CDH4: variants seen among roughly 807,000 people sequenced by gnomAD.
The protein encoded by CDH4 is cadherin-4.
A neutral mutation model predicts 86.0 loss-of-function variants in CDH4; 33 were observed. That is an observed-to-expected ratio of 0.38 (90% CI 0.29 to 0.51). The LOEUF is 0.51. Ranked by LOEUF, CDH4 falls within the 20% of genes least tolerant of loss-of-function variation. The pLI is 0.86. For synonymous variants in CDH4, 555 were observed against 549.4 expected, an observed-to-expected ratio of 1.01 and a Z score of -0.14; for missense variants, 1,114 against 1,307.4, an observed-to-expected ratio of 0.85 and a Z score of 2.28.
chr20:61,294,819 C>T (rs1259304178), intron 2 of CDH4, among the ~76,000 whole-genome samples: 2 of 152,256 alleles, frequency 1.3e-5, no homozygotes, highest in African/African-American at 4.8e-5. Flanking sequence ...TGGACCAAAG[C>T]TCCCGATCTG....
chr20:61,534,058 A>G (rs371590621), intron 2 of CDH4, among the ~76,000 whole-genome samples: 20 of 152,258 alleles, frequency 1.3e-4, no homozygotes, highest in African/African-American at 4.8e-4. Context: ...ATAGGCAGGC[A>G]TGAGATAGCA....
Position 61,924,424 on chromosome 20 carries a change from C to T in CDH4, c.1719C>T (p.Ser573=), listed in dbSNP as rs1354494559. ...CGGCGGCAGTGCTGGACCGTGAGTC[C>T]CTCTACACCAAAAACAACGTCTACG... ...ITTAAVLDRE[S]LYTKNNVYEA... The change falls in exon 11 of 16, where the codon TCC becomes TCT. Residue 573 remains serine, a synonymous_variant. Transcript: ENST00000614565. 6.2e-7 allele frequency: 1 copy of T among 1,613,898 alleles called. No individual in the cohort carries two copies. The highest frequency in any genetic ancestry group is 8.5e-7 in the Non-Finnish European group (1 of 1,179,944).
chr20:61,699,829 G>C (rs1228165933), intron 2 of CDH4, among the ~76,000 whole-genome samples: 1 of 152,096 alleles, frequency 6.6e-6, no homozygotes, highest in South Asian at 2.1e-4. Flanking sequence ...CACACATGTC[G>C]TGACCAGCCT....
At chr20:61,541,109 C>A (rs911778851) in intron 2 of CDH4, among the ~76,000 whole-genome samples, 11 of 152,192 alleles carry the variant, frequency 7.2e-5, no homozygotes, top group African/African-American at 2.4e-4. Context: ...GGGAGCTGTT[C>A]ATGTCTCTTC....
intron 3 of CDH4, among the ~76,000 whole-genome samples, chr20:61,770,149 C>A (rs75874981): frequency 0.072 from 10,903 of 152,234 alleles, 446 homozygotes; most frequent in Non-Finnish European, 0.089. Flanking sequence ...CCTAGAAAAG[C>A]CCCCGCCCCT....
At chr20:61,677,482 G>A (rs1184624345) in intron 2 of CDH4, among the ~76,000 whole-genome samples, 1 of 152,174 alleles carries the variant, frequency 6.6e-6, no homozygotes, top group Admixed American at 6.5e-5. Flanking sequence ...TCAATGTATA[G>A]ACCTGACGAT....
At chr20:61,713,284 C>CA (rs1182096630) in intron 2 of CDH4, among the ~76,000 whole-genome samples, 2 of 152,198 alleles carry the variant, frequency 1.3e-5, no homozygotes, top group Non-Finnish European at 2.9e-5. Context: ...CTTTGCAATG[C>CA]TGAGCTTCAA....
intron 2 of CDH4, among the ~76,000 whole-genome samples, chr20:61,446,740 C>T (rs992166543): frequency 1.3e-5 from 2 of 152,212 alleles, no homozygotes; most frequent in African/African-American, 4.8e-5. Context: ...GCCCGCTTAT[C>T]CATTCATGAG....
chr20:61,855,190 C>T (rs1379837539), intron 6 of CDH4, among the ~76,000 whole-genome samples: 9 of 125,490 alleles, frequency 7.2e-5, no homozygotes, highest in Non-Finnish European at 8.6e-5. Context: ...GAATTGTGCC[C>T]TTGGCCCACC....
chr20:61,397,512 C>T (rs1434450793), intron 2 of CDH4, among the ~76,000 whole-genome samples: 1 of 152,036 alleles, frequency 6.6e-6, no homozygotes, highest in Non-Finnish European at 1.5e-5. Context: ...CTTGATACGC[C>T]GTCGAGACCG....
rs114484447 is a variant in CDH4, at chr20:61,349,021, G to A, written c.169+94084G>A. Among the ~76,000 whole-genome samples the A allele has an allele frequency of 4.7e-3, 710 of 152,314 alleles. 5 individuals carry two copies. Among genetic ancestry groups the A allele is most frequent in the African/African-American group, 0.016 (667 of 41,566 alleles). On this transcript the variant is annotated intron_variant, in intron 2 of 15. Transcript: ENST00000614565. ...GGTGGTGGGAGGGCCACATTGTGCC[G>A]CAATTGTTCCTTTATGTAGTTAGCT...
chr20:61,758,403 C>T (rs2088591560), intron 3 of CDH4, among the ~76,000 whole-genome samples: 1 of 152,180 alleles, frequency 6.6e-6, no homozygotes. Context: ...TATTGTGGTG[C>T]TGTGGATAGG....
At chr20:61,764,563 CCTT>C (rs2088676409) in intron 3 of CDH4, among the ~76,000 whole-genome samples, 1 of 152,088 alleles carries the variant, frequency 6.6e-6, no homozygotes. Context: ...AGTGAACACA[CCTT>C]CCGCGCAGGG....
At position 61,377,003 on chromosome 20, in the gene CDH4, C is replaced by T. The variant is rs114258813; in HGVS notation, c.169+122066C>T. Among the ~76,000 whole-genome samples the T allele has an allele frequency of 0.02, 3,027 of 152,248 alleles. 98 individuals are homozygous for T. The highest frequency in any genetic ancestry group is 0.068 in the African/African-American group (2,827 of 41,512). ...CAACTCTTTCATCCCAACCAGTGAGCGCTAGTTAGGCAAGCTGGAAAGCTG... is the reference window on the plus strand; with the variant it reads ...CAACTCTTTCATCCCAACCAGTGAGTGCTAGTTAGGCAAGCTGGAAAGCTG... On this transcript the variant is annotated intron_variant, in intron 2 of 15. Coordinates refer to ENST00000614565, the MANE Select transcript of CDH4 (RefSeq NM_001794.5). The surrounding 1 kb of genome is among the most constrained non-coding windows in gnomAD (Gnocchi z 4.0).
intron 2 of CDH4, among the ~76,000 whole-genome samples, chr20:61,686,252 C>T (rs767962863): frequency 6.6e-6 from 1 of 152,248 alleles, no homozygotes; most frequent in Non-Finnish European, 1.5e-5. Context: ...CTCTGCTAAG[C>T]ACTAGCCAGT....
intron 3 of CDH4, among the ~76,000 whole-genome samples, chr20:61,757,882 G>A (rs13040995): frequency 0.15 from 22,094 of 152,192 alleles, 1,720 homozygotes; most frequent in Non-Finnish European, 0.16. Flanking sequence ...ATGCCTCTGA[G>A]GACCTTGGAG....
At chr20:61,433,519 A>C (rs1281073816) in intron 2 of CDH4, among the ~76,000 whole-genome samples, 1 of 149,130 alleles carries the variant, frequency 6.7e-6, no homozygotes, top group Non-Finnish European at 1.5e-5. Context: ...AAAAAAAAAA[A>C]CCTGCTAGAA....
intron 4 of CDH4, among the ~76,000 whole-genome samples, chr20:61,781,134 A>AC (rs1978519199): frequency 6.6e-6 from 1 of 152,032 alleles, no homozygotes; most frequent in Non-Finnish European, 1.5e-5. Flanking sequence ...AGCCAAGTGA[A>AC]CTCCCTGCTG....
Position 61,289,224 on chromosome 20 carries a change from G to A in CDH4, c.169+34287G>A, listed in dbSNP as rs547340739. ...GCCTGAACAGTGGCATGTGCTGAGC[G>A]GCGTGCTCCCAGCTCCTGGCACTGT... On this transcript the variant is annotated intron_variant, in intron 2 of 15. Coordinates refer to ENST00000614565, the MANE Select transcript of CDH4 (RefSeq NM_001794.5). Among the ~76,000 whole-genome samples the A allele has an allele frequency of 2.2e-4, 33 of 152,288 alleles. No individual in the cohort carries two copies. The South Asian group carries it at 3.1e-3, about 14-fold the overall frequency.
Sources: allele counts gnomAD v4.1 joint callset (sites outside exome capture counted in the v4.1 genomes callset), GRCh38; gene constraint gnomAD v4.1.1; non-coding constraint Gnocchi (gnomAD v3.1); transcripts MANE v1.5; gene names NCBI Gene and HGNC (gene_info 2026-07-23, HGNC 2026-07-21).